The following KCNH5 variants were observed in gnomAD, a reference collection of about 807,000 sequenced individuals.
KCNH5 encodes the protein potassium voltage-gated channel subfamily H member 5.
In KCNH5, 46 loss-of-function variants were observed where a neutral mutation model predicts 96.1. The observed-to-expected ratio is 0.48, with a 90% CI of 0.38 to 0.61. The LOEUF is 0.61. Ranked by LOEUF, KCNH5 falls within the 20% of genes least tolerant of loss-of-function variation. The pLI is 0.00. For missense variants in KCNH5, 907 were observed against 1,225.8 expected (o/e 0.74, Z 3.88); for synonymous variants, 439 against 449.8 (o/e 0.98, Z 0.30).
At chr14:62,745,478 C>G (rs972301703) in intron 10 of KCNH5, among the ~76,000 whole-genome samples, 4 of 152,222 alleles carry the variant, frequency 2.6e-5, no homozygotes, top group Admixed American at 6.5e-5. Context: ...TTTATCAACT[C>G]TGTCAACAAG....
intron 10 of KCNH5, among the ~76,000 whole-genome samples, chr14:62,772,482 C>A (rs1847772185): frequency 6.6e-6 from 1 of 151,672 alleles, no homozygotes; most frequent in Admixed American, 6.6e-5. Flanking sequence ...ACTAAAAATA[C>A]AAAAATTAGC....
intron 7 of KCNH5, among the ~76,000 whole-genome samples, chr14:62,928,506 G>T (rs574816154): frequency 2.1e-4 from 32 of 152,030 alleles, no homozygotes; most frequent in African/African-American, 7.0e-4. Context: ...TAATTTATCG[G>T]GTTTTCACAA....
At chr14:62,838,473 G>C (rs1044622348) in intron 8 of KCNH5, among the ~76,000 whole-genome samples, 2 of 152,070 alleles carry the variant, frequency 1.3e-5, no homozygotes, top group African/African-American at 4.8e-5. Context: ...TTTTCAGATG[G>C]TCTCTGCTGA....
intron 7 of KCNH5, among the ~76,000 whole-genome samples, chr14:62,926,459 C>T (rs17223846): frequency 0.12 from 18,076 of 152,020 alleles, 1,252 homozygotes; most frequent in East Asian, 0.28. Flanking sequence ...ATGCTAAGGA[C>T]AACAAAAAGG....
chr14:62,934,499 T>C (rs762331860), intron 7 of KCNH5, among the ~76,000 whole-genome samples: 3 of 152,142 alleles, frequency 2.0e-5, no homozygotes, highest in Non-Finnish European at 4.4e-5. Context: ...AAAGAAAGAT[T>C]GGAAGTATGG....
rs765620108 is a variant in KCNH5 at position 62,887,828 on chromosome 14, A to C, written c.1370-37976T>G. 5.9e-5 allele frequency among the ~76,000 whole-genome samples: 9 copies of C among 152,140 alleles called. 1 individual carries two copies. Among genetic ancestry groups the C allele is most frequent in the Non-Finnish European group, 1.3e-4 (9 of 68,018 alleles). ...GAAAAAAAAAAGGTGTTCTAGTGTT[A>C]GCATTGCTATTGAGTAGTCTCACAT... On this transcript the variant is annotated intron_variant, in intron 7 of 10. Coordinates refer to ENST00000322893, the MANE Select transcript of KCNH5 (RefSeq NM_139318.5).
intron 10 of KCNH5, chr14:62,712,556 G>A (rs1009489035): frequency 2.9e-6 from 2 of 695,614 alleles, no homozygotes; most frequent in African/African-American, 1.8e-5. Flanking sequence ...ATTCCAAACA[G>A]TCTTAACCAT....
intron 10 of KCNH5, among the ~76,000 whole-genome samples, chr14:62,767,565 C>T (rs765296456): frequency 1.7e-4 from 26 of 152,110 alleles, no homozygotes; most frequent in African/African-American, 2.9e-4. Context: ...AGTGAATTAA[C>T]GCAGAAACAG....
intron 9 of KCNH5, among the ~76,000 whole-genome samples, chr14:62,786,272 A>T (rs982960409): frequency 2.0e-5 from 3 of 152,206 alleles, no homozygotes; most frequent in African/African-American, 2.4e-5. Flanking sequence ...AACAGGTTCC[A>T]AACAAAATAT....
chr14:63,013,273 C>T (rs1002481227), intron 2 of KCNH5, among the ~76,000 whole-genome samples: 4 of 151,972 alleles, frequency 2.6e-5, no homozygotes, highest in Non-Finnish European at 5.9e-5. Context: ...ACCTAGTTGC[C>T]ACTTTAACCC....
At chr14:62,728,489 T>A (rs1007244484) in intron 10 of KCNH5, among the ~76,000 whole-genome samples, 1 of 152,114 alleles carries the variant, frequency 6.6e-6, no homozygotes, top group Admixed American at 6.6e-5. Flanking sequence ...TATTAATGGC[T>A]CAAAACATTG....
chr14:62,950,623 A>T, intron 6 of KCNH5, 64 bp from the exon 7 acceptor site: 1 of 1,310,370 alleles, frequency 7.6e-7, no homozygotes, highest in Non-Finnish European at 1.0e-6. Flanking sequence ...CTGGGGAAAC[A>T]ATACAATGGC....
At chr14:62,954,357 C>T (rs1480063786) in intron 6 of KCNH5, among the ~76,000 whole-genome samples, 5 of 152,220 alleles carry the variant, frequency 3.3e-5, no homozygotes, top group African/African-American at 4.8e-5. Flanking sequence ...ACAATTTTCA[C>T]TGTCACACTT....
chr14:62,964,960 T>A (rs1425685438), intron 6 of KCNH5, among the ~76,000 whole-genome samples: 2 of 152,146 alleles, frequency 1.3e-5, no homozygotes, highest in African/African-American at 4.8e-5. Flanking sequence ...GTCTTTGTTT[T>A]CAACAAATGT....
At chr14:63,044,879 T>C (rs1891893018) in intron 1 of KCNH5, among the ~76,000 whole-genome samples, 1 of 152,206 alleles carries the variant, frequency 6.6e-6, no homozygotes, top group South Asian at 2.1e-4. Context: ...TTCTGGGCTC[T>C]GGACAGGTGG....
chr14:62,823,227 A>T (rs928611629), intron 8 of KCNH5, among the ~76,000 whole-genome samples: 11 of 152,096 alleles, frequency 7.2e-5, no homozygotes, highest in African/African-American at 2.7e-4. Context: ...TAACCTTTTG[A>T]TATTATTTCT....
At chr14:62,748,487 C>A (rs1885425918) in intron 10 of KCNH5, among the ~76,000 whole-genome samples, 1 of 152,094 alleles carries the variant, frequency 6.6e-6, no homozygotes, top group Non-Finnish European at 1.5e-5. Flanking sequence ...TGCAGCCCAG[C>A]AAGTCATGGC....
intron 10 of KCNH5, among the ~76,000 whole-genome samples, chr14:62,710,228 T>G (rs1160317377): frequency 1.3e-5 from 2 of 152,234 alleles, no homozygotes; most frequent in Non-Finnish European, 2.9e-5. Context: ...ATTGATGCAC[T>G]AAATTCAGTT....
intron 3 of KCNH5, among the ~76,000 whole-genome samples, chr14:63,005,099 C>A (rs1429209377): frequency 6.6e-6 from 1 of 152,130 alleles, no homozygotes; most frequent in Non-Finnish European, 1.5e-5. Flanking sequence ...TACAGTCTGC[C>A]TTTTCTCTTG....
Sources: allele counts gnomAD v4.1 joint callset (sites outside exome capture counted in the v4.1 genomes callset), GRCh38; gene constraint gnomAD v4.1.1; transcripts MANE v1.5; gene names NCBI Gene and HGNC (gene_info 2026-07-23, HGNC 2026-07-21).